The following RAB2A variants were observed in gnomAD, a reference collection of about 807,000 sequenced individuals.
The protein encoded by RAB2A is RAB2A, member RAS oncogene family.
In RAB2A, 7 loss-of-function variants were observed where a neutral mutation model predicts 32.5. The ratio of observed to expected loss-of-function variants is 0.22; its 90% CI spans 0.12 to 0.40. The LOEUF (loss-of-function observed/expected upper bound fraction) is 0.40, where lower values mean the gene tolerates loss of function less well. Ranked by LOEUF, RAB2A falls within the 10% of genes least tolerant of loss-of-function variation. RAB2A has a pLI of 1.00. For synonymous variants in RAB2A, 79 were observed against 85.2 expected (o/e 0.93, Z 0.40); for missense variants, 108 against 260.7 (o/e 0.41, Z 4.03).
chr8:60,523,300 G>A (rs967350403), intron 1 of RAB2A, among the ~76,000 whole-genome samples: 8 of 152,034 alleles, frequency 5.3e-5, no homozygotes, highest in African/African-American at 1.7e-4. Flanking sequence ...TGGGACTACA[G>A]GCGCCCGCCA....
chr8:60,616,063 A>T (rs1311048410), intron 6 of RAB2A, among the ~76,000 whole-genome samples: 3 of 152,162 alleles, frequency 2.0e-5, no homozygotes, highest in African/African-American at 4.8e-5. Context: ...ATTATTTGTT[A>T]TATTTCAGTT....
chr8:60,611,613 A>C (rs950264031), intron 6 of RAB2A, among the ~76,000 whole-genome samples: 1 of 152,264 alleles, frequency 6.6e-6, no homozygotes, highest in Non-Finnish European at 1.5e-5. Flanking sequence ...CACTCAGGAA[A>C]TGCTTATTAA....
At chr8:60,525,949 A>G (rs1586060626) in intron 1 of RAB2A, among the ~76,000 whole-genome samples, 1 of 146,298 alleles carries the variant, frequency 6.8e-6, no homozygotes, top group Non-Finnish European at 1.5e-5. Context: ...ATGTCTATAT[A>G]TGTATATATG....
chr8:60,530,256 C>T (rs1322896128), intron 1 of RAB2A, among the ~76,000 whole-genome samples: 1 of 150,572 alleles, frequency 6.6e-6, no homozygotes, highest in Admixed American at 6.7e-5. Context: ...TCAAGCCGTT[C>T]TGCCTCAGCC....
At chr8:60,576,750 G>A (rs141998603) in intron 3 of RAB2A, among the ~76,000 whole-genome samples, 5 of 152,334 alleles carry the variant, frequency 3.3e-5, no homozygotes, top group African/African-American at 1.2e-4. Context: ...AACCCTGAGG[G>A]CTGAAAACAA....
At chr8:60,615,541 A>G (rs1586117989) in intron 6 of RAB2A, among the ~76,000 whole-genome samples, 2 of 152,192 alleles carry the variant, frequency 1.3e-5, no homozygotes. Flanking sequence ...GAAATGATCA[A>G]TTTTTTAAAA....
intron 1 of RAB2A, among the ~76,000 whole-genome samples, chr8:60,556,819 A>G (rs1322900712): frequency 1.3e-5 from 2 of 152,112 alleles, no homozygotes; most frequent in African/African-American, 4.8e-5. Flanking sequence ...TTCTTCTATC[A>G]CTTAAATGAT....
chr8:60,542,418 G>A (rs952451563), intron 1 of RAB2A, among the ~76,000 whole-genome samples: 1 of 152,154 alleles, frequency 6.6e-6, no homozygotes, highest in African/African-American at 2.4e-5. Context: ...GGGAGCTGAG[G>A]CAGGAGAATC....
chr8:60,575,653 C>CTTTTTT (rs35451518), intron 3 of RAB2A, among the ~76,000 whole-genome samples: 1 of 113,220 alleles, frequency 8.8e-6, no homozygotes, highest in African/African-American at 3.7e-5. Flanking sequence ...GGATATTTGT[C>CTTTTTT]TTTTTTTTTT....
At chr8:60,545,011 C>T (rs1383393738) in intron 1 of RAB2A, among the ~76,000 whole-genome samples, 1 of 152,004 alleles carries the variant, frequency 6.6e-6, no homozygotes, top group Non-Finnish European at 1.5e-5. Flanking sequence ...TCCCAAGGTA[C>T]TGGGATTACA....
intron 1 of RAB2A, chr8:60,558,538 C>T (rs1807972374): frequency 1.4e-5 from 7 of 495,674 alleles, no homozygotes; most frequent in South Asian, 9.2e-5. Flanking sequence ...CAAAAGTGCA[C>T]AAAAACAGTA....
At chr8:60,615,251 G>A (rs563748788) in intron 6 of RAB2A, among the ~76,000 whole-genome samples, 1 of 152,026 alleles carries the variant, frequency 6.6e-6, no homozygotes, top group Non-Finnish European at 1.5e-5. Context: ...TAACAAAGGC[G>A]GTTTAAGTAC....
At chr8:60,544,493 A>G (rs1563464264) in intron 1 of RAB2A, among the ~76,000 whole-genome samples, 2 of 150,898 alleles carry the variant, frequency 1.3e-5, no homozygotes, top group South Asian at 2.1e-4. Flanking sequence ...ACTACATTTT[A>G]TCATTTGAGC....
Position 60,518,231 on chromosome 8 carries a change from G to T in RAB2A, c.46+978G>T, listed in dbSNP as rs144409732. 2.9e-3 allele frequency among the ~76,000 whole-genome samples: 449 copies of T among 152,258 alleles called. 3 individuals are homozygous for T. Among genetic ancestry groups the T allele is most frequent in the Middle Eastern group, 6.8e-3 (2 of 294 alleles). On this transcript the variant is annotated intron_variant, in intron 1 of 7. Transcript: ENST00000262646. ...TAAACATAAAGATTGTTTAGATGTT[G>T]CAACTATTAATATACCAGAGTCTGA...
intron 7 of RAB2A, among the ~76,000 whole-genome samples, chr8:60,620,408 A>G (rs1359614747): frequency 6.6e-6 from 1 of 152,244 alleles, no homozygotes; most frequent in Non-Finnish European, 1.5e-5. Context: ...CATTATGAGA[A>G]TTTCCTGAAA....
At chr8:60,612,877 T>C (rs1274763721) in intron 6 of RAB2A, among the ~76,000 whole-genome samples, 1 of 152,232 alleles carries the variant, frequency 6.6e-6, no homozygotes, top group Non-Finnish European at 1.5e-5. Flanking sequence ...GGGCTGTCCC[T>C]ACTCCATCTC....
intron 5 of RAB2A, among the ~76,000 whole-genome samples, chr8:60,591,323 C>T (rs1485979403): frequency 6.6e-6 from 1 of 150,888 alleles, no homozygotes; most frequent in Non-Finnish European, 1.5e-5. Context: ...CCCTCCCTCC[C>T]TCTCTCTCTC....
intron 7 of RAB2A, 97 bp from the exon 8 acceptor site, chr8:60,620,577 G>C: frequency 1.1e-6 from 1 of 885,720 alleles, no homozygotes; most frequent in Non-Finnish European, 1.8e-6. Context: ...TCAGTTGTTT[G>C]ATAAAATTGT....
intron 6 of RAB2A, among the ~76,000 whole-genome samples, chr8:60,603,787 G>A (rs1173058875): frequency 6.6e-6 from 1 of 152,170 alleles, no homozygotes; most frequent in Non-Finnish European, 1.5e-5. Context: ...TTGGGAGGCT[G>A]AAGCAGGAAG....
Sources: gnomAD v4.1 joint callset for allele counts (sites outside exome capture counted in the v4.1 genomes callset) on GRCh38, gnomAD v4.1.1 for gene constraint, MANE v1.5 for transcripts, NCBI Gene and HGNC (gene_info 2026-07-23, HGNC 2026-07-21) for gene names.